The following LRCH1 variants were observed in gnomAD, a reference collection of about 807,000 sequenced individuals.
The protein encoded by LRCH1 is leucine-rich repeat and calponin homology domain-containing protein 1.
LRCH1 carries 23 observed loss-of-function variants against 94.9 expected under a neutral mutation model. The observed-to-expected ratio is 0.24, with a 90% CI of 0.17 to 0.34. The LOEUF is 0.34. LRCH1 is among the 10% of genes least tolerant of loss of function. The probability of loss-of-function intolerance (pLI) is 1.00; values close to 1 mark genes in which losing one functional copy is unlikely to be tolerated. For missense variants in LRCH1, 790 were observed against 945.9 expected, an observed-to-expected ratio of 0.84 and a Z score of 2.16; for synonymous variants, 364 against 354.9, an observed-to-expected ratio of 1.03 and a Z score of -0.29.
At chr13:46,713,410 C>G (rs974888022) in intron 15 of LRCH1, among the ~76,000 whole-genome samples, 2 of 152,146 alleles carry the variant, frequency 1.3e-5, no homozygotes, top group African/African-American at 4.8e-5. Context: ...TTCTTGAGTT[C>G]TCCAGTAAAG....
intron 16 of LRCH1, among the ~76,000 whole-genome samples, chr13:46,720,711 G>A (rs1401480272): frequency 3.3e-5 from 5 of 152,086 alleles, no homozygotes; most frequent in Admixed American, 1.3e-4. Flanking sequence ...ATTTAAATAG[G>A]AATTAAAAGA....
chr13:46,592,638 A>C (rs2050513328), intron 1 of LRCH1, among the ~76,000 whole-genome samples: 2 of 152,232 alleles, frequency 1.3e-5, no homozygotes, highest in Admixed American at 1.3e-4. Context: ...CTTAAAAAGT[A>C]TGTTTTAAAT....
intron 5 of LRCH1, among the ~76,000 whole-genome samples, chr13:46,686,408 G>A (rs866140397): frequency 5.3e-5 from 8 of 152,150 alleles, no homozygotes; most frequent in Non-Finnish European, 4.4e-5. Flanking sequence ...TCTGGGCGTG[G>A]GGCAGGACCC....
downstream of LRCH1, among the ~76,000 whole-genome samples, chr13:46,746,453 G>T (rs1160068142): frequency 6.6e-6 from 1 of 152,162 alleles, no homozygotes; most frequent in Admixed American, 6.5e-5. Context: ...CTTGAAGCAT[G>T]AGTTCTTCAA....
At chr13:46,668,833 T>TA (rs200290086) in intron 2 of LRCH1, among the ~76,000 whole-genome samples, 197 bp from the exon 3 acceptor site, 3,248 of 99,082 alleles carry the variant, frequency 0.033, 132 homozygotes, top group African/African-American at 0.088. Flanking sequence ...TTATTTTTTT[T>TA]TAAAAAAAGA....
chr13:46,626,039 T>C (rs978468406), intron 1 of LRCH1, among the ~76,000 whole-genome samples: 3 of 152,214 alleles, frequency 2.0e-5, no homozygotes, highest in Non-Finnish European at 4.4e-5. Context: ...TCAGCAGTAT[T>C]CTATGTTATG....
chr13:46,615,598 C>T (rs955109697), intron 1 of LRCH1, among the ~76,000 whole-genome samples: 10 of 152,182 alleles, frequency 6.6e-5, no homozygotes, highest in Admixed American at 1.3e-4. Context: ...CAGCTTCGAG[C>T]TCCCTTCCAT....
intron 1 of LRCH1, among the ~76,000 whole-genome samples, chr13:46,568,423 G>A (rs992177367): frequency 1.3e-5 from 2 of 152,180 alleles, no homozygotes; most frequent in African/African-American, 4.8e-5. Flanking sequence ...ATGTCTAGTT[G>A]TGTCAGATTG....
Position 46,648,962 on chromosome 13 carries a change from T to A in LRCH1, c.308-1239T>A, listed in dbSNP as rs1000323493. Among the ~76,000 whole-genome samples the A allele has an allele frequency of 1.7e-4, 26 of 152,182 alleles. 1 individual carries two copies. The highest frequency in any genetic ancestry group is 1.7e-3 in the Admixed American group (26 of 15,278). On this transcript the variant is annotated intron_variant, in intron 1 of 19. Coordinates refer to ENST00000389797, the MANE Select transcript of LRCH1 (RefSeq NM_001164211.2). ...GGTGAATTGTTTTGATAGTATAAGA[T>A]CCTCGTGTTCTCTATGAACCCATAA...
chr13:46,553,244 T>G lies in LRCH1; in HGVS notation c.-153T>G. 23 of 332,668 alleles carry G rather than the reference T, an allele frequency of 6.9e-5. No homozygotes were observed. The highest frequency in any genetic ancestry group is 2.9e-4 in the East Asian group (3 of 10,342). 20.6% of individuals were successfully genotyped at this position (332,668 alleles called of 1,614,324 possible). ...CGGCCGCCTCCCCGCCCGCCCCCCA[T>G]TCTACGCGCCTGCCCACACCCTCCT... On this transcript the variant is annotated 5_prime_UTR_variant, in exon 1 of 20. Transcript: ENST00000389797.
At chr13:46,684,559 A>T (rs1870507414) in intron 4 of LRCH1, among the ~76,000 whole-genome samples, 1 of 152,142 alleles carries the variant, frequency 6.6e-6, no homozygotes, top group Non-Finnish European at 1.5e-5. Flanking sequence ...AACTTTAATT[A>T]ACCATCTCGG....
intron 1 of LRCH1, among the ~76,000 whole-genome samples, chr13:46,593,346 T>C (rs1016347728): frequency 2.0e-5 from 3 of 151,320 alleles, no homozygotes; most frequent in African/African-American, 7.3e-5. Flanking sequence ...CAAATTTGGT[T>C]TTTCTAGTCA....
intron 7 of LRCH1, among the ~76,000 whole-genome samples, chr13:46,691,316 G>A (rs958061406): frequency 6.6e-6 from 1 of 152,214 alleles, no homozygotes; most frequent in African/African-American, 2.4e-5. Context: ...CCCTCAGAGA[G>A]AACTAATCCA....
intron 4 of LRCH1, among the ~76,000 whole-genome samples, chr13:46,682,404 A>G (rs956602508): frequency 1.3e-5 from 2 of 152,128 alleles, no homozygotes; most frequent in Non-Finnish European, 2.9e-5. Flanking sequence ...TAAAGACCCT[A>G]TTTCCAAATA....
intron 1 of LRCH1, among the ~76,000 whole-genome samples, chr13:46,594,936 T>C (rs1421088672): frequency 6.6e-6 from 1 of 152,186 alleles, no homozygotes; most frequent in East Asian, 1.9e-4. Flanking sequence ...ATACAGGCTA[T>C]ATAAAGAAAG....
chr13:46,564,415 G>T (rs529028665), intron 1 of LRCH1, among the ~76,000 whole-genome samples: 1 of 152,300 alleles, frequency 6.6e-6, no homozygotes, highest in African/African-American at 2.4e-5. Flanking sequence ...ATGAAATCCC[G>T]AATCTGGAGA....
chr13:46,589,807 G>C (rs192341121), intron 1 of LRCH1, among the ~76,000 whole-genome samples: 13 of 151,570 alleles, frequency 8.6e-5, no homozygotes, highest in Admixed American at 8.5e-4. Context: ...TACCACATTG[G>C]TTAGGCTGGT....
At chr13:46,615,564 A>G (rs1053274045) in intron 1 of LRCH1, among the ~76,000 whole-genome samples, 4 of 152,166 alleles carry the variant, frequency 2.6e-5, no homozygotes, top group Non-Finnish European at 5.9e-5. Flanking sequence ...ATGCAACTCT[A>G]GGAATTTTTG....
At chr13:46,607,977 C>A (rs1204429260) in intron 1 of LRCH1, among the ~76,000 whole-genome samples, 2 of 152,016 alleles carry the variant, frequency 1.3e-5, no homozygotes, top group Non-Finnish European at 2.9e-5. Context: ...GTGGGAAGGC[C>A]ACAGGAGATA....
Sources: allele counts gnomAD v4.1 joint callset (sites outside exome capture counted in the v4.1 genomes callset), GRCh38; gene constraint gnomAD v4.1.1; transcripts MANE v1.5; gene names NCBI Gene and HGNC (gene_info 2026-07-23, HGNC 2026-07-21).